Variants in PMS1 observed in about 807,000 individuals in gnomAD.
PMS1 encodes the protein PMS1 protein homolog 1.
A neutral mutation model predicts 93.1 loss-of-function variants in PMS1; 79 were observed. The observed-to-expected ratio is 0.85, with a 90% CI of 0.71 to 1.02. PMS1 has a LOEUF of 1.02. Among genes scored for constraint, PMS1 ranks in the 50% least tolerant of loss-of-function variants. The pLI is 0.00. For missense variants in PMS1, 1,064 were observed against 1,085.3 expected (o/e 0.98, Z 0.28); for synonymous variants, 335 against 363.4 (o/e 0.92, Z 0.89).
At chr2:189,795,089 A>G (rs1356730755) in intron 2 of PMS1, among the ~76,000 whole-genome samples, 2 of 152,200 alleles carry the variant, frequency 1.3e-5, no homozygotes, top group African/African-American at 2.4e-5. Context: ...GTGACAAAGT[A>G]TCTAAAAAAA....
chr2:189,798,930 C>T (rs763961976), intron 3 of PMS1, among the ~76,000 whole-genome samples: 2 of 152,076 alleles, frequency 1.3e-5, no homozygotes, highest in Non-Finnish European at 2.9e-5. Context: ...TAGGTGGCAG[C>T]ACTATACTTG....
In PMS1 at chr2:189,877,302, C is replaced by T. The variant is rs374879205; in HGVS notation, c.2665C>T (p.Pro889Ser). Reference protein sequence around the residue: ...GEAVRLSRQLPMYLSKEDIQD... With the variant: ...GEAVRLSRQLSMYLSKEDIQD... ...AGCAGTGCGTCTATCCAGACAATTACCCATGTACTTATCAAAAGAGGACAT... is the reference window on the plus strand; with the variant it reads ...AGCAGTGCGTCTATCCAGACAATTATCCATGTACTTATCAAAAGAGGACAT... The change falls in exon 13 of 13, where the codon CCC (proline) becomes TCC (serine). Residue 889 changes from proline (P) to serine (S), a missense_variant. By Grantham distance (74) the Pro-to-Ser change is moderately conservative. Coordinates refer to ENST00000441310, the MANE Select transcript of PMS1 (RefSeq NM_000534.5). The T allele has an allele frequency of 6.2e-7, 1 of 1,613,636 alleles. No homozygotes were observed. The highest frequency in any genetic ancestry group is 2.2e-5 in the East Asian group (1 of 44,866).
chr2:189,785,517 A>C (rs532180031), intron 1 of PMS1: 7 of 152,198 alleles, frequency 4.6e-5, no homozygotes, highest in Non-Finnish European at 8.8e-5. Context: ...TATGGTATAG[A>C]GTGCTATATT....
Position 189,788,513 on chromosome 2 carries a change from C to T in PMS1, c.-20-3277C>T, listed in dbSNP as rs887122045. Among the ~76,000 whole-genome samples the T allele has an allele frequency of 5.3e-5, 8 of 152,276 alleles. No individual in the cohort carries two copies. In the South Asian group the frequency reaches 1.7e-3, roughly 32 times the overall value. ...TGTTACATATCTGTTAGTGTAAGAG[C>T]TAGGATAAAACCAAAGTAGTGTGAT... On this transcript the variant is annotated intron_variant, in intron 1 of 12. Transcript: ENST00000441310.
At chr2:189,810,511 C>A (rs1229785233) in intron 4 of PMS1, among the ~76,000 whole-genome samples, 1 of 152,170 alleles carries the variant, frequency 6.6e-6, no homozygotes, top group African/African-American at 2.4e-5. Context: ...ACCAGCTGAA[C>A]TTTTATAGCC....
At chr2:189,788,763 G>A (rs1410920105) in intron 1 of PMS1, among the ~76,000 whole-genome samples, 2 of 152,090 alleles carry the variant, frequency 1.3e-5, no homozygotes, top group Non-Finnish European at 2.9e-5. Context: ...TGCTGAGTTG[G>A]AAATTGAGTG....
At position 189,843,518 on chromosome 2, in the gene PMS1, C is replaced by A. The variant is rs147367402; in HGVS notation, c.583-446C>A. 4.9e-3 allele frequency among the ~76,000 whole-genome samples: 753 copies of A among 152,298 alleles called. 2 individuals carry two copies. The highest frequency in any genetic ancestry group is 0.017 in the African/African-American group (720 of 41,552). ...TTGACTGTTTATGTAAATCCTGTAA[C>A]ATAGCTGATCATCCTCAGTAAAACA... On this transcript the variant is annotated intron_variant, in intron 5 of 12. Coordinates refer to ENST00000441310, the MANE Select transcript of PMS1 (RefSeq NM_000534.5).
chr2:189,797,321 A>C (rs1216634754), intron 3 of PMS1, among the ~76,000 whole-genome samples: 1 of 152,194 alleles, frequency 6.6e-6, no homozygotes, highest in African/African-American at 2.4e-5. Flanking sequence ...TGAACTCCTG[A>C]GTTCAGTGCT....
chr2:189,832,852 T>C (rs996499453), intron 5 of PMS1, among the ~76,000 whole-genome samples: 1 of 152,220 alleles, frequency 6.6e-6, no homozygotes, highest in Admixed American at 6.5e-5. Flanking sequence ...GGCCAGTTAT[T>C]GAAATATTTG....
chr2:189,803,055 A>G (rs1364632435), intron 3 of PMS1, among the ~76,000 whole-genome samples: 1 of 152,232 alleles, frequency 6.6e-6, no homozygotes, highest in Non-Finnish European at 1.5e-5. Flanking sequence ...ACTCACATGC[A>G]GAAAAGAAAA....
At chr2:189,824,794 T>C (rs2052278676) in intron 5 of PMS1, among the ~76,000 whole-genome samples, 1 of 152,118 alleles carries the variant, frequency 6.6e-6, no homozygotes, top group Non-Finnish European at 1.5e-5. Context: ...GTAGATTTTT[T>C]TATTTTTATA....
chr2:189,823,747 T>C (rs1265151128), intron 5 of PMS1, among the ~76,000 whole-genome samples: 1 of 151,720 alleles, frequency 6.6e-6, no homozygotes. Context: ...GTTTCCCACA[T>C]ATAAAGTATT....
chr2:189,824,875 A>G (rs2052285785), intron 5 of PMS1, among the ~76,000 whole-genome samples: 1 of 152,132 alleles, frequency 6.6e-6, no homozygotes, highest in Non-Finnish European at 1.5e-5. Context: ...TAGCAATGAC[A>G]TGTTACTATA....
At chr2:189,860,607 A>G (rs918870748) in intron 9 of PMS1, among the ~76,000 whole-genome samples, 1 of 151,988 alleles carries the variant, frequency 6.6e-6, no homozygotes, top group Admixed American at 6.6e-5. Flanking sequence ...GGATAGAGAA[A>G]ATGCTAAGTT....
In PMS1 at chr2:189,854,302, A is replaced by G. The variant is rs1386650528; in HGVS notation, c.1030A>G (p.Asn344Asp). Reference protein sequence around the residue: ...TTCYGPLPSTNSYENNKTDVS... With the variant: ...TTCYGPLPSTDSYENNKTDVS... ...TTGTTATGGACCATTACCTAGTACAAATTCTTATGAAAATAATAAAACAGA... is the reference window on the plus strand; with the variant it reads ...TTGTTATGGACCATTACCTAGTACAGATTCTTATGAAAATAATAAAACAGA... The change falls in exon 9 of 13, where the codon AAT becomes GAT. Residue 344 changes from asparagine (N) to aspartate (D), a missense_variant. Coordinates refer to ENST00000441310, the MANE Select transcript of PMS1 (RefSeq NM_000534.5). 1.9e-6 allele frequency: 3 copies of G among 1,593,426 alleles called. No individual in the cohort carries two copies. The highest frequency in any genetic ancestry group is 3.6e-5 in the Admixed American group (2 of 56,224).
chr2:189,862,371 A>G (rs1442416440), intron 9 of PMS1, among the ~76,000 whole-genome samples: 1 of 151,498 alleles, frequency 6.6e-6, no homozygotes. Flanking sequence ...TCCCCCTTCT[A>G]TTTTCTCATT....
intron 6 of PMS1, among the ~76,000 whole-genome samples, chr2:189,850,301 C>T (rs1280639675): frequency 1.3e-5 from 2 of 151,992 alleles, no homozygotes; most frequent in Non-Finnish European, 2.9e-5. Context: ...GGAGACCAGC[C>T]AGGGTTACAT....
chr2:189,842,053 T>C (rs2053859706), intron 5 of PMS1, among the ~76,000 whole-genome samples: 1 of 151,088 alleles, frequency 6.6e-6, no homozygotes, highest in South Asian at 2.1e-4. Flanking sequence ...CCAGCCAGAC[T>C]TTCTGAAACA....
intron 2 of PMS1, among the ~76,000 whole-genome samples, chr2:189,792,803 A>T (rs1038767328): frequency 1.2e-4 from 18 of 148,040 alleles, no homozygotes; most frequent in African/African-American, 4.4e-4. Context: ...TTTTTTATTT[A>T]TTTATTTATT....
Sources: gnomAD v4.1 joint callset for allele counts (sites outside exome capture counted in the v4.1 genomes callset) on GRCh38, gnomAD v4.1.1 for gene constraint, MANE v1.5 for transcripts, NCBI Gene and HGNC (gene_info 2026-07-23, HGNC 2026-07-21) for gene names.